Variants in DIAPH3 observed in about 807,000 individuals in gnomAD.
DIAPH3 encodes the protein diaphanous related formin 3.
In DIAPH3, 117 loss-of-function variants were observed where a neutral mutation model predicts 144.3. That is an observed-to-expected ratio of 0.81 (90% CI 0.70 to 0.95). DIAPH3 has a LOEUF of 0.95. Ranked by LOEUF, DIAPH3 falls within the 40% of genes least tolerant of loss-of-function variation. The pLI is 0.00. For synonymous variants in DIAPH3, 519 were observed against 488.9 expected, an observed-to-expected ratio of 1.06 and a Z score of -0.81; for missense variants, 1,421 against 1,412.7, an observed-to-expected ratio of 1.01 and a Z score of -0.09.
At chr13:59,728,281 T>C (rs1566230130) in intron 27 of DIAPH3, among the ~76,000 whole-genome samples, 1 of 152,112 alleles carries the variant, frequency 6.6e-6, no homozygotes, top group African/African-American at 2.4e-5. Flanking sequence ...AATTAGCTTA[T>C]CTGTTCCTAA....
At chr13:59,863,840 A>G (rs1233203762) in intron 21 of DIAPH3, among the ~76,000 whole-genome samples, 1 of 152,190 alleles carries the variant, frequency 6.6e-6, no homozygotes, top group Non-Finnish European at 1.5e-5. Context: ...CTAGACAAAT[A>G]GTCACTAACA....
chr13:60,117,096 G>A (rs1176811330), intron 2 of DIAPH3, among the ~76,000 whole-genome samples: 3 of 151,992 alleles, frequency 2.0e-5, no homozygotes, highest in Admixed American at 6.6e-5. Flanking sequence ...TAGTAAAACT[G>A]TACTTGTATC....
chr13:59,856,502 C>G (rs2043261469), intron 22 of DIAPH3, among the ~76,000 whole-genome samples: 1 of 152,170 alleles, frequency 6.6e-6, no homozygotes. Flanking sequence ...CTCCCCATGG[C>G]TTGCAGATGG....
At chr13:60,134,058 A>C (rs1007554050) in intron 1 of DIAPH3, among the ~76,000 whole-genome samples, 1 of 152,218 alleles carries the variant, frequency 6.6e-6, no homozygotes, top group Non-Finnish European at 1.5e-5. Flanking sequence ...AAATCTGTAC[A>C]ATGTAAATCA....
intron 24 of DIAPH3, among the ~76,000 whole-genome samples, chr13:59,823,159 A>C (rs1438326812): frequency 6.6e-6 from 1 of 152,202 alleles, no homozygotes; most frequent in Non-Finnish European, 1.5e-5. Context: ...CTGGCAGTCA[A>C]ATCCAGTTAT....
chr13:60,055,487 GA>G (rs1308063264), intron 4 of DIAPH3, among the ~76,000 whole-genome samples: 1 of 151,780 alleles, frequency 6.6e-6, no homozygotes, highest in Non-Finnish European at 1.5e-5. Context: ...GACCAGAACT[GA>G]AGTATTCTTT....
At chr13:59,748,336 A>G (rs931697300) in intron 27 of DIAPH3, among the ~76,000 whole-genome samples, 1 of 152,166 alleles carries the variant, frequency 6.6e-6, no homozygotes, top group African/African-American at 2.4e-5. Flanking sequence ...ACGGAAATCT[A>G]TCCTACCAGT....
intron 2 of DIAPH3, among the ~76,000 whole-genome samples, chr13:60,119,741 C>G (rs1337957008): frequency 2.7e-5 from 3 of 110,550 alleles, no homozygotes; most frequent in African/African-American, 1.1e-4. Flanking sequence ...AGCGAGACTC[C>G]GTCTCAAAAA....
intron 1 of DIAPH3, among the ~76,000 whole-genome samples, chr13:60,149,074 G>A (rs1217669332): frequency 6.6e-6 from 1 of 152,316 alleles, no homozygotes; most frequent in African/African-American, 2.4e-5. Flanking sequence ...AAAGGGTCAA[G>A]GGAAAGTTGA....
chr13:59,905,026 A>G (rs1248705087), intron 20 of DIAPH3, among the ~76,000 whole-genome samples: 1 of 152,118 alleles, frequency 6.6e-6, no homozygotes, highest in Non-Finnish European at 1.5e-5. Flanking sequence ...AAGGAAAAGA[A>G]TCCTCACTTA....
chr13:60,007,397 T>C (rs1364390268), intron 9 of DIAPH3, among the ~76,000 whole-genome samples: 1 of 19,660 alleles, frequency 5.1e-5, no homozygotes, highest in Non-Finnish European at 1.1e-4. Flanking sequence ...TTTCACTTTA[T>C]TTTTTTATTT....
At chr13:60,145,484 A>T (rs960758557) in intron 1 of DIAPH3, among the ~76,000 whole-genome samples, 2 of 151,744 alleles carry the variant, frequency 1.3e-5, no homozygotes, top group Non-Finnish European at 1.5e-5. Context: ...CGTCTCTACT[A>T]AAAAAAATAC....
chr13:59,797,033 A>G (rs1268342757), intron 25 of DIAPH3, among the ~76,000 whole-genome samples: 1 of 152,110 alleles, frequency 6.6e-6, no homozygotes, highest in African/African-American at 2.4e-5. Context: ...AATACTGATA[A>G]CCCAACTCCT....
intron 14 of DIAPH3, among the ~76,000 whole-genome samples, chr13:59,980,090 C>T (rs1441665045): frequency 6.6e-6 from 1 of 151,414 alleles, no homozygotes; most frequent in African/African-American, 2.4e-5. Context: ...TTTTTCAAAA[C>T]TCAAAAAAAT....
intron 25 of DIAPH3, among the ~76,000 whole-genome samples, chr13:59,809,394 G>A (rs1593507316): frequency 6.6e-6 from 1 of 151,842 alleles, no homozygotes; most frequent in Non-Finnish European, 1.5e-5. Flanking sequence ...CCAGCCACTC[G>A]GGAGGCTTGA....
At chr13:59,980,761 A>C (rs752147619) in intron 14 of DIAPH3, 34 bp downstream of exon 14, 9 of 1,576,620 alleles carry the variant, frequency 5.7e-6, no homozygotes, top group Middle Eastern at 1.7e-4. Flanking sequence ...GTGGTTCCCC[A>C]CAGAATACTA....
intron 17 of DIAPH3, among the ~76,000 whole-genome samples, chr13:59,965,925 G>A (rs1053603467): frequency 6.6e-6 from 1 of 152,074 alleles, no homozygotes; most frequent in Admixed American, 6.5e-5. Context: ...AGAAAAAGTG[G>A]AAGGTATGAA....
chr13:59,858,061 G>C (rs903064449), intron 22 of DIAPH3, among the ~76,000 whole-genome samples: 1 of 152,266 alleles, frequency 6.6e-6, no homozygotes, highest in African/African-American at 2.4e-5. Flanking sequence ...AATAGCAAAA[G>C]CTGTTGTCTA....
intron 6 of DIAPH3, 37 bp downstream of exon 6, chr13:60,016,034 T>C (rs1419517734): frequency 6.2e-7 from 1 of 1,610,110 alleles, no homozygotes. Context: ...GACATATGAA[T>C]GATGCTTACT....
Sources: allele counts gnomAD v4.1 joint callset (sites outside exome capture counted in the v4.1 genomes callset), GRCh38; gene constraint gnomAD v4.1.1; transcripts MANE v1.5; gene names NCBI Gene and HGNC (gene_info 2026-07-23, HGNC 2026-07-21).